The following LRRC72 variants were observed in gnomAD, a reference collection of about 807,000 sequenced individuals.
LRRC72 encodes leucine-rich repeat-containing protein 72.
Under a neutral mutation model 35.8 loss-of-function variants are expected in LRRC72, and 41 were observed. The observed-to-expected ratio is 1.15, with a 90% CI of 0.89 to 1.49. LRRC72 has a LOEUF of 1.49. Among genes scored for constraint, LRRC72 ranks in the 40% most tolerant of loss-of-function variants. LRRC72 has a pLI of 0.00. For missense variants in LRRC72, 389 were observed against 330.7 expected (o/e 1.18, Z -1.37); for synonymous variants, 118 against 119.2 (o/e 0.99, Z 0.07).
chr7:16,572,555 C>T (rs1265683976), intron 7 of LRRC72, among the ~76,000 whole-genome samples: 1 of 152,202 alleles, frequency 6.6e-6, no homozygotes, highest in Non-Finnish European at 1.5e-5. Context: ...ACAAAAACCA[C>T]ATGATTATCT....
At chr7:16,571,577 G>A (rs1353313626) in intron 7 of LRRC72, among the ~76,000 whole-genome samples, 1 of 152,148 alleles carries the variant, frequency 6.6e-6, no homozygotes, top group Non-Finnish European at 1.5e-5. Flanking sequence ...CGCCTCACCC[G>A]GGAAGTGCAA....
chr7:16,567,006 C>T (rs1311954515), intron 6 of LRRC72, among the ~76,000 whole-genome samples: 1 of 152,106 alleles, frequency 6.6e-6, no homozygotes. Flanking sequence ...CAGGTTTGAA[C>T]ATTCTTAATA....
At chr7:16,574,985 G>A (rs1234401991) in intron 7 of LRRC72, among the ~76,000 whole-genome samples, 1 of 151,910 alleles carries the variant, frequency 6.6e-6, no homozygotes, top group Non-Finnish European at 1.5e-5. Context: ...CATGATGGCG[G>A]GCACCTGTAA....
chr7:16,543,141 A>G (rs1782386414), intron 3 of LRRC72, among the ~76,000 whole-genome samples: 1 of 152,364 alleles, frequency 6.6e-6, no homozygotes, highest in Admixed American at 6.5e-5. Flanking sequence ...ATATTTCATC[A>G]AAGTTCACAT....
At chr7:16,539,150 G>A (rs1562738836) in intron 3 of LRRC72, among the ~76,000 whole-genome samples, 1 of 152,184 alleles carries the variant, frequency 6.6e-6, no homozygotes, top group Non-Finnish European at 1.5e-5. Context: ...CTTGTTGAAT[G>A]GTTTTGACCA....
At chr7:16,557,255 T>A in intron 3 of LRRC72, 105 bp from the exon 4 acceptor site, 1 of 285,510 alleles carries the variant, frequency 3.5e-6, no homozygotes, top group Non-Finnish European at 6.5e-6. Flanking sequence ...TTTATTATCT[T>A]ATTATAATTA....
At chr7:16,528,817 C>T (rs1279818864) in intron 1 of LRRC72, among the ~76,000 whole-genome samples, 2 of 152,106 alleles carry the variant, frequency 1.3e-5, no homozygotes, top group East Asian at 3.9e-4. Flanking sequence ...CTGAATCACC[C>T]AATAGTTAGT....
chr7:16,542,071 T>C (rs980796765), intron 3 of LRRC72, among the ~76,000 whole-genome samples: 1 of 152,190 alleles, frequency 6.6e-6, no homozygotes, highest in Non-Finnish European at 1.5e-5. Flanking sequence ...TGTGTTCCCA[T>C]GGTGTTCAGT....
intron 2 of LRRC72, among the ~76,000 whole-genome samples, chr7:16,536,008 G>A (rs1782250962): frequency 6.6e-6 from 1 of 152,128 alleles, no homozygotes; most frequent in Non-Finnish European, 1.5e-5. Context: ...AAGTAGCTGG[G>A]ATTACAGGCA....
chr7:16,551,231 C>T (rs1782543014), intron 3 of LRRC72, among the ~76,000 whole-genome samples: 1 of 152,112 alleles, frequency 6.6e-6, no homozygotes, highest in Non-Finnish European at 1.5e-5. Context: ...CACCTACGAG[C>T]CAATAATAAT....
chr7:16,534,530 G>GA (rs557725483), intron 2 of LRRC72, among the ~76,000 whole-genome samples: 5 of 151,960 alleles, frequency 3.3e-5, no homozygotes, highest in Non-Finnish European at 7.4e-5. Flanking sequence ...ACTGCTACAA[G>GA]AAAAAATTAA....
At chr7:16,548,147 C>G (rs1192911275) in intron 3 of LRRC72, among the ~76,000 whole-genome samples, 2 of 152,206 alleles carry the variant, frequency 1.3e-5, no homozygotes, top group Non-Finnish European at 2.9e-5. Context: ...GTTGGGGCAC[C>G]CTTGCTATGG....
chr7:16,555,506 C>T (rs1157828160), intron 3 of LRRC72, among the ~76,000 whole-genome samples: 1 of 152,142 alleles, frequency 6.6e-6, no homozygotes, highest in African/African-American at 2.4e-5. Context: ...GACATGGTGG[C>T]TCACGCCTAT....
intron 3 of LRRC72, among the ~76,000 whole-genome samples, chr7:16,540,080 T>C (rs1782330143): frequency 6.6e-6 from 1 of 152,140 alleles, no homozygotes; most frequent in South Asian, 2.1e-4. Context: ...TTGCACCATG[T>C]GCCTAGAAAA....
intron 7 of LRRC72, among the ~76,000 whole-genome samples, chr7:16,573,858 GA>G (rs1245606747): frequency 6.6e-6 from 1 of 152,168 alleles, no homozygotes; most frequent in Non-Finnish European, 1.5e-5. Flanking sequence ...TCATCAGAGT[GA>G]ATAGGCAACC....
At chr7:16,529,671 C>G (rs1309324018) in intron 1 of LRRC72, among the ~76,000 whole-genome samples, 2 of 152,032 alleles carry the variant, frequency 1.3e-5, no homozygotes, top group African/African-American at 2.4e-5. Context: ...TGGATTCATG[C>G]AAAATTATTG....
At chr7:16,554,779 G>A (rs780175434) in intron 3 of LRRC72, among the ~76,000 whole-genome samples, 3 of 152,126 alleles carry the variant, frequency 2.0e-5, no homozygotes, top group Non-Finnish European at 4.4e-5. Flanking sequence ...GTTAATGCTC[G>A]TGGGAAAACC....
chr7:16,532,493 A>T lies in LRRC72; in HGVS notation c.91-2A>T. The T allele has an allele frequency of 6.5e-7, 1 of 1,547,222 alleles. No individual in the cohort carries two copies. On this transcript the variant is annotated splice_acceptor_variant, in intron 1 of 8. Transcript: ENST00000401542. LOFTEE classifies it high-confidence loss of function. ...TTTGACAGATTAATTATATGTTATCAGGCAGTTGAAGATCAGCTAAAGATA... is the reference window on the plus strand; with the variant it reads ...TTTGACAGATTAATTATATGTTATCTGGCAGTTGAAGATCAGCTAAAGATA...
chr7:16,538,074 T>C (rs1303629629), intron 3 of LRRC72, among the ~76,000 whole-genome samples: 2 of 152,206 alleles, frequency 1.3e-5, no homozygotes, highest in Non-Finnish European at 2.9e-5. Context: ...CATTGAGTCA[T>C]AGTCATAGTC....
Sources: gnomAD v4.1 joint callset for allele counts (sites outside exome capture counted in the v4.1 genomes callset) on GRCh38, gnomAD v4.1.1 for gene constraint, MANE v1.5 for transcripts, NCBI Gene and HGNC (gene_info 2026-07-23, HGNC 2026-07-21) for gene names.